Variants in INVS observed in about 807,000 individuals in gnomAD.
INVS encodes the protein inversin.
Under a neutral mutation model 108.8 loss-of-function variants are expected in INVS, and 86 were observed. The ratio of observed to expected loss-of-function variants is 0.79; its 90% CI spans 0.66 to 0.95. INVS has a LOEUF of 0.95. INVS is among the 40% of genes least tolerant of loss of function. The pLI is 0.00. For missense variants in INVS, 1,169 were observed against 1,297.4 expected, an observed-to-expected ratio of 0.90 and a Z score of 1.52; for synonymous variants, 455 against 473.5, an observed-to-expected ratio of 0.96 and a Z score of 0.51.
At chr9:100,166,346 A>AAAC (rs933519864) in intron 3 of INVS, among the ~76,000 whole-genome samples, 14 of 152,066 alleles carry the variant, frequency 9.2e-5, no homozygotes, top group Non-Finnish European at 1.9e-4. Flanking sequence ...CCATCTCTAC[A>AAAC]AACAACAACA....
At chr9:100,247,823 T>G (rs939153027) in intron 8 of INVS, among the ~76,000 whole-genome samples, 1 of 152,164 alleles carries the variant, frequency 6.6e-6, no homozygotes, top group Non-Finnish European at 1.5e-5. Context: ...TTTTTTTTCT[T>G]TTTGAGACGG....
At chr9:100,189,106 CTTTTTTTTT>C (rs60762136) in intron 3 of INVS, among the ~76,000 whole-genome samples, 2 of 69,564 alleles carry the variant, frequency 2.9e-5, no homozygotes, top group African/African-American at 6.8e-5. Flanking sequence ...TTTGCATCTT[CTTTTTTTTT>C]TTTTTTTTTT....
At chr9:100,206,449 C>T (rs1312269647) in intron 3 of INVS, among the ~76,000 whole-genome samples, 1 of 151,938 alleles carries the variant, frequency 6.6e-6, no homozygotes, top group Non-Finnish European at 1.5e-5. Flanking sequence ...TTCATATACT[C>T]TCAAATTCCT....
intron 3 of INVS, among the ~76,000 whole-genome samples, chr9:100,169,602 A>G (rs564540380): frequency 6.6e-6 from 1 of 152,332 alleles, no homozygotes; most frequent in East Asian, 1.9e-4. Context: ...AATTCAGTGC[A>G]TTGCTGTTGT....
Position 100,292,572 on chromosome 9 carries a change from G to GC in INVS, c.2317dup (p.His773ProfsTer9). ...GCTGCAAGCCTTCCACCGCACGATAGCCACTGGAAGCCCAGCAGGCGGCAT... is the reference window on the plus strand; with the variant it reads ...GCTGCAAGCCTTCCACCGCACGATAGCCCACTGGAAGCCCAGCAGGCGGCAT... On this transcript the variant is annotated frameshift_variant, in exon 14 of 17. Coordinates refer to ENST00000262457, the MANE Select transcript of INVS (RefSeq NM_014425.5). LOFTEE classifies it high-confidence loss of function. The GC allele has an allele frequency of 6.2e-7, 1 of 1,614,186 alleles. No individual in the cohort carries two copies. Among genetic ancestry groups the GC allele is most frequent in the Non-Finnish European group, 8.5e-7 (1 of 1,180,034 alleles).
intron 8 of INVS, among the ~76,000 whole-genome samples, chr9:100,247,974 A>T (rs1321603945): frequency 6.6e-6 from 1 of 151,874 alleles, no homozygotes; most frequent in African/African-American, 2.4e-5. Context: ...ACGCCCAGCT[A>T]ATTTTTTTTT....
intron 2 of INVS, chr9:100,117,454 G>A: frequency 2.5e-6 from 2 of 789,228 alleles, no homozygotes; most frequent in East Asian, 4.9e-5. Context: ...TGACGGGCAT[G>A]CACTCCTTAT....
intron 4 of INVS, 35 bp from the exon 5 acceptor site, chr9:100,229,625 A>G (rs765407511): frequency 8.8e-6 from 14 of 1,599,826 alleles, no homozygotes; most frequent in Non-Finnish European, 1.2e-5. Flanking sequence ...GTTAGTTGTT[A>G]CTGTTGTTAT....
chr9:100,269,258 A>G (rs1286514263), intron 11 of INVS, among the ~76,000 whole-genome samples: 1 of 152,212 alleles, frequency 6.6e-6, no homozygotes, highest in Non-Finnish European at 1.5e-5. Flanking sequence ...ATTGAACTAA[A>G]TGACCTCTAA....
chr9:100,282,327 C>T (rs1043251712), intron 12 of INVS, among the ~76,000 whole-genome samples: 4 of 151,944 alleles, frequency 2.6e-5, no homozygotes, highest in Admixed American at 2.6e-4. Flanking sequence ...TAGCAGGTGG[C>T]AAAGATGTCA....
intron 2 of INVS, among the ~76,000 whole-genome samples, chr9:100,124,182 G>A (rs1455213216): frequency 2.5e-5 from 2 of 81,184 alleles, no homozygotes; most frequent in Non-Finnish European, 5.3e-5. Context: ...TTCTGAGTGT[G>A]TGTGTGTGTG....
intron 16 of INVS, among the ~76,000 whole-genome samples, chr9:100,299,678 A>ACC (rs1833907061): frequency 3.0e-5 from 4 of 135,088 alleles, no homozygotes; most frequent in Non-Finnish European, 6.6e-5. Flanking sequence ...ACACACACAC[A>ACC]CACCTGGGCC....
chr9:100,273,527 C>CTTTTTT lies in INVS; in HGVS notation c.1784+473_1784+478dup, dbSNP rs58458085. Among the ~76,000 whole-genome samples, 27 of 96,314 alleles carry CTTTTTT rather than the reference C, an allele frequency of 2.8e-4. 1 individual carries two copies. The highest frequency in any genetic ancestry group is 1.0e-3 in the East Asian group (2 of 1,938). The allele number at this position is 96,314 out of a possible 152,430, so 63.2% of individuals were successfully genotyped here. A position where few individuals can be genotyped will look rare whatever the true frequency, so the allele number is the denominator to read the frequency against. On this transcript the variant is annotated intron_variant, in intron 12 of 16. Coordinates refer to ENST00000262457, the MANE Select transcript of INVS (RefSeq NM_014425.5). Reference sequence around the variant, plus strand: ...ACTTGGTTTTTTTTTCCACTCAGTTCTTTTTTTTTTTTTTTTTTTTTTTTT... The same window carrying CTTTTTT: ...ACTTGGTTTTTTTTTCCACTCAGTTCTTTTTTTTTTTTTTTTTTTTTTTTTTTTTTT...
At position 100,246,797 on chromosome 9, in the gene INVS, G is replaced by A; in HGVS notation, c.1078+10G>A. On this transcript the variant is annotated intron_variant, in intron 8 of 16. Coordinates refer to ENST00000262457, the MANE Select transcript of INVS (RefSeq NM_014425.5). ...AAATATGGAGGTACAGGTGAGAACT[G>A]GTGGACACATTCAATTTGCTTTCAT... The A allele has an allele frequency of 6.2e-7, 1 of 1,612,274 alleles. No homozygotes were observed. Among genetic ancestry groups the A allele is most frequent in the Non-Finnish European group, 8.5e-7 (1 of 1,178,402 alleles).
chr9:100,207,105 A>G (rs1456722213), intron 3 of INVS, among the ~76,000 whole-genome samples: 1 of 151,932 alleles, frequency 6.6e-6, no homozygotes, highest in Non-Finnish European at 1.5e-5. Flanking sequence ...TGACGTCACT[A>G]TTTTTTCCAT....
chr9:100,259,405 C>G (rs757160003), intron 10 of INVS, among the ~76,000 whole-genome samples: 1 of 152,052 alleles, frequency 6.6e-6, no homozygotes, highest in Non-Finnish European at 1.5e-5. Flanking sequence ...CTTTGGCTCA[C>G]ACTCCATGGG....
At chr9:100,194,436 T>C (rs1020554373) in intron 3 of INVS, among the ~76,000 whole-genome samples, 3 of 152,182 alleles carry the variant, frequency 2.0e-5, no homozygotes, top group Non-Finnish European at 4.4e-5. Flanking sequence ...ATTCATTCTA[T>C]TAGTCGTTTC....
intron 13 of INVS, among the ~76,000 whole-genome samples, chr9:100,285,949 A>G (rs1378762403): frequency 1.3e-5 from 2 of 152,236 alleles, no homozygotes. Context: ...ATGCCAACAC[A>G]GTGAAAAAGG....
intron 2 of INVS, among the ~76,000 whole-genome samples, chr9:100,106,815 A>C (rs190543650): frequency 6.6e-6 from 1 of 152,316 alleles, no homozygotes; most frequent in East Asian, 1.9e-4. Flanking sequence ...GAGCACAGGG[A>C]AAGCAATTTG....
Sources: allele counts gnomAD v4.1 joint callset (sites outside exome capture counted in the v4.1 genomes callset), GRCh38; gene constraint gnomAD v4.1.1; transcripts MANE v1.5; gene names NCBI Gene and HGNC (gene_info 2026-07-23, HGNC 2026-07-21).